The following ADAMTS18 variants were observed in gnomAD, a reference collection of about 807,000 sequenced individuals.
ADAMTS18 encodes ADAM metallopeptidase with thrombospondin type 1 motif 18.
ADAMTS18 carries 157 observed loss-of-function variants against 165.9 expected under a neutral mutation model. The ratio of observed to expected loss-of-function variants is 0.95; its 90% CI spans 0.83 to 1.08. The LOEUF is 1.08. ADAMTS18 is among the 50% of genes least tolerant of loss of function. ADAMTS18 has a pLI of 0.00. For synonymous variants in ADAMTS18, 782 were observed against 578.2 expected, an observed-to-expected ratio of 1.35 and a Z score of -5.06; for missense variants, 2,040 against 1,534.0, an observed-to-expected ratio of 1.33 and a Z score of -5.51.
intron 22 of ADAMTS18, among the ~76,000 whole-genome samples, chr16:77,288,115 G>A (rs1224153690): frequency 6.6e-6 from 1 of 152,066 alleles, no homozygotes; most frequent in Non-Finnish European, 1.5e-5. Context: ...GTGGTATTAG[G>A]TGCTGGGTGA....
Position 77,322,353 on chromosome 16 carries a change from T to A in ADAMTS18, c.2146A>T (p.Ile716Phe). 1 of 1,613,904 alleles carries A rather than the reference T, an allele frequency of 6.2e-7. No homozygotes were observed. Among genetic ancestry groups the A allele is most frequent in the Non-Finnish European group, 8.5e-7 (1 of 1,179,906 alleles). ...PCSPNKNDVC[I>F]DGVCELVGCD... ...TCTCTTACTTCACAAACCCCGTCAA[T>A]ACAAACATCATTTTTGTTTGGGGAG... The change falls in exon 14 of 23, where the codon ATT becomes TTT. Residue 716 changes from isoleucine (I) to phenylalanine (F), a missense_variant. Coordinates refer to ENST00000282849, the MANE Select transcript of ADAMTS18 (RefSeq NM_199355.4).
intron 13 of ADAMTS18, 59 bp from the exon 14 acceptor site, chr16:77,322,525 G>C (rs2144643391): frequency 1.9e-6 from 3 of 1,582,664 alleles, no homozygotes; most frequent in African/African-American, 1.3e-5. Context: ...AAAAATGATA[G>C]GATTGTCAAA....
intron 11 of ADAMTS18, among the ~76,000 whole-genome samples, chr16:77,340,215 C>T (rs2144685061): frequency 6.6e-6 from 1 of 152,260 alleles, no homozygotes; most frequent in East Asian, 1.9e-4. Flanking sequence ...TGCTCTGTCA[C>T]CCAGGCTGGA....
intron 16 of ADAMTS18, among the ~76,000 whole-genome samples, chr16:77,303,523 T>C (rs56662930): frequency 0.06 from 9,115 of 152,218 alleles, 453 homozygotes; most frequent in African/African-American, 0.13. Flanking sequence ...TCAGAAATGG[T>C]GTTACTTTAA....
In ADAMTS18 at chr16:77,291,464, A is replaced by C. The variant is rs1331471133; in HGVS notation, c.3204T>G (p.Cys1068Trp). 1.9e-6 allele frequency: 3 copies of C among 1,613,994 alleles called. No homozygotes were observed. In the African/African-American group the frequency reaches 4.0e-5, roughly 22 times the overall value. ...TCTCCCTCTTCCTCACACCCAAACC[A>C]CAGGTTGCAGAACACTAGGAGCCAA... ...ASSWSECSAT[C>W]GLGVRKREMK... Residue 1068 changes from cysteine (C) to tryptophan (W), a missense_variant, in exon 21 of 23, where the codon TGT becomes TGG. Transcript: ENST00000282849.
Position 77,284,038 on chromosome 16 carries a change from C to T in ADAMTS18, c.3584G>A (p.Cys1195Tyr). ...DPSCVDFFNW[C>Y]HLVPQHGVCN... ...GACACCATGCTGAGGAACTAGGTGA[C>T]ACCAGTTGAAGAAATCTACGCAGGA... Residue 1195 changes from cysteine to tyrosine, a missense_variant, in exon 23 of 23, where the codon TGT (cysteine) becomes TAT (tyrosine). Transcript: ENST00000282849. The T allele has an allele frequency of 6.2e-7, 1 of 1,613,712 alleles. No homozygotes were observed. The highest frequency in any genetic ancestry group is 8.5e-7 in the Non-Finnish European group (1 of 1,179,786).
intron 5 of ADAMTS18, 110 bp downstream of exon 5, chr16:77,364,078 G>A (rs2056755761): frequency 7.0e-7 from 1 of 1,431,942 alleles, no homozygotes; most frequent in Non-Finnish European, 9.8e-7. Flanking sequence ...GGCAGAAACT[G>A]CAATTACATT....
chr16:77,398,591 G>A (rs574219479), intron 3 of ADAMTS18, among the ~76,000 whole-genome samples: 283 of 152,290 alleles, frequency 1.9e-3, no homozygotes, highest in African/African-American at 6.5e-3. Flanking sequence ...CGGTTTCTCA[G>A]TCTCTGCACT....
chr16:77,395,965 G>A (rs1398141874), intron 3 of ADAMTS18, among the ~76,000 whole-genome samples: 2 of 152,096 alleles, frequency 1.3e-5, no homozygotes, highest in Non-Finnish European at 2.9e-5. Flanking sequence ...AGTCAGGCAG[G>A]GTACCCAGCT....
At chr16:77,378,247 C>A (rs1231211459) in intron 3 of ADAMTS18, among the ~76,000 whole-genome samples, 4 of 151,778 alleles carry the variant, frequency 2.6e-5, no homozygotes, top group Non-Finnish European at 5.9e-5. Flanking sequence ...ATTGCATTAA[C>A]CTAAGAGGTT....
intron 3 of ADAMTS18, among the ~76,000 whole-genome samples, chr16:77,411,601 T>C (rs2057463772): frequency 6.6e-6 from 1 of 151,900 alleles, no homozygotes; most frequent in African/African-American, 2.4e-5. Flanking sequence ...CAAAGTCAAC[T>C]TTACCATTGA....
At chr16:77,434,344 T>G in intron 2 of ADAMTS18, 74 bp downstream of exon 2, 3 of 1,513,224 alleles carry the variant, frequency 2.0e-6, no homozygotes, top group Non-Finnish European at 2.7e-6. Context: ...TTTTCCATCT[T>G]TTCTCTCTTT....
intron 3 of ADAMTS18, among the ~76,000 whole-genome samples, chr16:77,374,865 T>C (rs2056926738): frequency 6.6e-6 from 1 of 152,184 alleles, no homozygotes; most frequent in Admixed American, 6.5e-5. Flanking sequence ...AGAAGAATTC[T>C]TTATAACAAA....
intron 3 of ADAMTS18, among the ~76,000 whole-genome samples, chr16:77,373,517 T>C (rs1254613862): frequency 6.6e-6 from 1 of 151,000 alleles, no homozygotes; most frequent in East Asian, 1.9e-4. Flanking sequence ...TCCTCTCTCA[T>C]GCAAAGGCAT....
chr16:77,349,477 G>C (rs1317370816), intron 10 of ADAMTS18, among the ~76,000 whole-genome samples: 1 of 124,186 alleles, frequency 8.1e-6, no homozygotes, highest in Non-Finnish European at 1.6e-5. Flanking sequence ...GTAAAATGCA[G>C]TTTCACTGCA....
In ADAMTS18 at chr16:77,319,704, A is replaced by G. The variant is rs190549925; in HGVS notation, c.2532+145T>C. On this transcript the variant is annotated intron_variant, in intron 16 of 22. Coordinates refer to ENST00000282849, the MANE Select transcript of ADAMTS18 (RefSeq NM_199355.4). Reference sequence around the variant, plus strand: ...CTGATCCGCCCACCTCAGCCTCCCAAAGTGCTGGGATTACAGGCATGAGCC... The same window carrying G: ...CTGATCCGCCCACCTCAGCCTCCCAGAGTGCTGGGATTACAGGCATGAGCC... 627 of 1,362,560 alleles carry G rather than the reference A, an allele frequency of 4.6e-4. 4 individuals carry two copies. In the African/African-American group the frequency reaches 5.9e-3, roughly 13 times the overall value. 84.4% of individuals were successfully genotyped at this position (1,362,560 alleles called of 1,614,324 possible). A position where few individuals can be genotyped will look rare whatever the true frequency, so the allele number is the denominator to read the frequency against.
chr16:77,414,683 G>C (rs1246052780), intron 3 of ADAMTS18, among the ~76,000 whole-genome samples: 2 of 152,108 alleles, frequency 1.3e-5, no homozygotes, highest in Admixed American at 6.5e-5. Context: ...AACTTCTGTT[G>C]TCATTATTTA....
chr16:77,434,341 T>C (rs998168725), intron 2 of ADAMTS18, 77 bp downstream of exon 2: 101 of 1,506,480 alleles, frequency 6.7e-5, no homozygotes, highest in Non-Finnish European at 8.6e-5. Context: ...CGCTTTTCCA[T>C]CTTTTCTCTC....
chr16:77,362,312 A>C, intron 6 of ADAMTS18, 48 bp from the exon 7 acceptor site: 1 of 1,599,320 alleles, frequency 6.3e-7, no homozygotes, highest in Non-Finnish European at 8.6e-7. Context: ...CACAGAGATG[A>C]GAATGCTGAA....
Sources: allele counts gnomAD v4.1 joint callset (sites outside exome capture counted in the v4.1 genomes callset), GRCh38; gene constraint gnomAD v4.1.1; transcripts MANE v1.5; gene names NCBI Gene and HGNC (gene_info 2026-07-23, HGNC 2026-07-21).